SLC28A1: variants seen among roughly 807,000 people sequenced by gnomAD.
SLC28A1 encodes the protein solute carrier family 28 member 1.
In SLC28A1, 64 loss-of-function variants were observed where a neutral mutation model predicts 74.8. That is an observed-to-expected ratio of 0.86 (90% CI 0.70 to 1.05). The LOEUF is 1.05. Among genes scored for constraint, SLC28A1 ranks in the 50% least tolerant of loss-of-function variants. The pLI is 0.00. For synonymous variants in SLC28A1, 359 were observed against 335.0 expected, an observed-to-expected ratio of 1.07 and a Z score of -0.78; for missense variants, 828 against 822.8, an observed-to-expected ratio of 1.01 and a Z score of -0.08.
chr15:84,916,401 A>C (rs1458266441), intron 9 of SLC28A1, among the ~76,000 whole-genome samples: 1 of 151,380 alleles, frequency 6.6e-6, no homozygotes, highest in Non-Finnish European at 1.5e-5. Context: ...GCCACCATAC[A>C]TAGCTGTTAA....
chr15:84,910,594 G>C (rs777067050), intron 9 of SLC28A1, among the ~76,000 whole-genome samples: 2 of 152,168 alleles, frequency 1.3e-5, no homozygotes, highest in Non-Finnish European at 2.9e-5. Context: ...CAAGTGTGGT[G>C]GTGCATGCCT....
At chr15:84,905,283 A>G (rs970099413) in intron 7 of SLC28A1, among the ~76,000 whole-genome samples, 8 of 152,194 alleles carry the variant, frequency 5.3e-5, no homozygotes, top group African/African-American at 1.7e-4. Context: ...GGCATGCCCA[A>G]GGCTGGTCCG....
intron 12 of SLC28A1, among the ~76,000 whole-genome samples, chr15:84,929,267 G>A (rs952948078): frequency 1.3e-5 from 2 of 152,038 alleles, no homozygotes; most frequent in African/African-American, 2.4e-5. Context: ...GGCTATGGCC[G>A]GGCGCGGTGG....
rs563486145 is a variant in SLC28A1, at chr15:84,898,777, G to C, written c.461+3654G>C. Among the ~76,000 whole-genome samples, 4 of 152,184 alleles carry C rather than the reference G, an allele frequency of 2.6e-5. No individual in the cohort carries two copies. The South Asian group carries it at 8.3e-4, about 32-fold the overall frequency. The stretch of plus-strand genomic sequence containing the variant: ...AGGAAACAAATGAGTTTAGCCCTAC[G>C]GTCTCCCCAGCTGACTGCCTGGAGA... On this transcript the variant is annotated intron_variant, in intron 6 of 18. Transcript: ENST00000394573.
At chr15:84,961,661 C>T in the SLC28A1 span, 18 of 348,718 alleles carry the variant, frequency 5.2e-5, no homozygotes, top group African/African-American at 1.8e-4. Context: ...TCTTGATGGT[C>T]GTAAGACACT....
intron 12 of SLC28A1, among the ~76,000 whole-genome samples, chr15:84,928,374 AC>A (rs951918752): frequency 9.9e-5 from 15 of 151,236 alleles, no homozygotes; most frequent in Non-Finnish European, 2.1e-4. Flanking sequence ...TTTTGCCCCC[AC>A]CTGGCTCATG....
At chr15:84,955,309 A>G in the SLC28A1 span, among the ~76,000 whole-genome samples, 9 of 152,188 alleles carry the variant, frequency 5.9e-5, no homozygotes, top group African/African-American at 2.2e-4. Context: ...TAGTGGTTTT[A>G]TGCAACGGGT....
chr15:84,963,514 G>A, the SLC28A1 span, among the ~76,000 whole-genome samples: 31 of 152,294 alleles, frequency 2.0e-4, no homozygotes, highest in African/African-American at 7.2e-4. Context: ...CGTGGCGGAG[G>A]GTGGGACACC....
chr15:84,933,682 C>A (rs547222997), intron 13 of SLC28A1, among the ~76,000 whole-genome samples: 2 of 152,062 alleles, frequency 1.3e-5, no homozygotes. Context: ...TCTTAAGAAG[C>A]CACCAGTCAA....
chr15:84,891,396 A>G lies in SLC28A1; in HGVS notation c.277+862A>G, dbSNP rs116804564. Among the ~76,000 whole-genome samples, 719 of 152,314 alleles carry G rather than the reference A, an allele frequency of 4.7e-3. 4 individuals carry two copies. Among genetic ancestry groups the G allele is most frequent in the African/African-American group, 0.016 (680 of 41,568 alleles). On this transcript the variant is annotated intron_variant, in intron 5 of 18. Transcript: ENST00000394573. The stretch of plus-strand genomic sequence containing the variant: ...TGATAGGAGGATGATGGTGTCTTCC[A>G]CAGAGCTAGAGAACATGCGTGCAGA...
chr15:84,916,240 C>CAGGTGGGAGCCACCATGCCTGGCCTTT (rs1555449976), intron 9 of SLC28A1, among the ~76,000 whole-genome samples: 1 of 98,424 alleles, frequency 1.0e-5, no homozygotes, highest in Non-Finnish European at 1.9e-5. Flanking sequence ...GCTGGGATTA[C>CAGGTGGGAGCCACCATGCCTGGCCTTT]TTTTTTTTTT....
intron 12 of SLC28A1, 95 bp downstream of exon 12, chr15:84,924,205 ATCT>A: frequency 1.4e-6 from 2 of 1,406,012 alleles, no homozygotes; most frequent in South Asian, 2.3e-5. Context: ...CAGCCCTCAG[ATCT>A]TCTCTCTTGG....
chr15:84,931,877 C>A (rs1471056843), intron 12 of SLC28A1, among the ~76,000 whole-genome samples: 1 of 151,866 alleles, frequency 6.6e-6, no homozygotes, highest in Non-Finnish European at 1.5e-5. Flanking sequence ...TGGTGCACAC[C>A]TGTAACCCCA....
downstream of SLC28A1, among the ~76,000 whole-genome samples, chr15:84,946,586 C>T (rs1019971020): frequency 6.6e-6 from 1 of 152,046 alleles, no homozygotes; most frequent in African/African-American, 2.4e-5. Context: ...ATAGGGGTGC[C>T]CCGAGCCCAT....
chr15:84,933,380 G>T, intron 13 of SLC28A1, 105 bp downstream of exon 13: 1 of 1,383,678 alleles, frequency 7.2e-7, no homozygotes, highest in African/African-American at 1.4e-5. Context: ...CACTAGCCTG[G>T]GCCCATCTCT....
At chr15:84,942,717 C>T (rs115885311) in intron 15 of SLC28A1, among the ~76,000 whole-genome samples, 15 of 152,272 alleles carry the variant, frequency 9.9e-5, no homozygotes, top group African/African-American at 3.6e-4. Flanking sequence ...GGCCATACTC[C>T]CTCTCTCAGC....
At chr15:84,955,636 G>T in the SLC28A1 span, among the ~76,000 whole-genome samples, 1 of 152,206 alleles carries the variant, frequency 6.6e-6, no homozygotes, top group Non-Finnish European at 1.5e-5. Context: ...ATCCCTGGCT[G>T]CGAGGCTGCA....
At chr15:84,953,141 T>G in the SLC28A1 span, among the ~76,000 whole-genome samples, 1 of 152,300 alleles carries the variant, frequency 6.6e-6, no homozygotes, top group Non-Finnish European at 1.5e-5. Flanking sequence ...CTCTAATCCT[T>G]TTTGGATCTG....
At chr15:84,929,521 G>A (rs1971031722) in intron 12 of SLC28A1, among the ~76,000 whole-genome samples, 5 of 142,862 alleles carry the variant, frequency 3.5e-5, no homozygotes, top group Admixed American at 1.4e-4. Flanking sequence ...TCCAGCCTGA[G>A]CAACACAGCA....
Sources: gnomAD v4.1 joint callset for allele counts (sites outside exome capture counted in the v4.1 genomes callset) on GRCh38, gnomAD v4.1.1 for gene constraint, MANE v1.5 for transcripts, NCBI Gene and HGNC (gene_info 2026-07-23, HGNC 2026-07-21) for gene names.